Variants in BMS1 observed in about 807,000 individuals in gnomAD.
The protein encoded by BMS1 is ribosome biogenesis protein BMS1 homolog.
BMS1 carries 53 observed loss-of-function variants against 138.7 expected under a neutral mutation model. The ratio of observed to expected loss-of-function variants is 0.38; its 90% confidence interval spans 0.31 to 0.48. The LOEUF is 0.48. BMS1 is among the 20% of genes least tolerant of loss of function. BMS1 has a pLI of 0.97. For synonymous variants in BMS1, 504 were observed against 539.9 expected (o/e 0.93, Z 0.92); for missense variants, 1,360 against 1,565.5 (o/e 0.87, Z 2.22).
At chr10:42,800,143 G>C (rs1045110607) in intron 12 of BMS1, among the ~76,000 whole-genome samples, 4 of 152,162 alleles carry the variant, frequency 2.6e-5, no homozygotes, top group Non-Finnish European at 5.9e-5. Flanking sequence ...AATGAGACTG[G>C]AGAACTAAAT....
chr10:42,790,598 A>G (rs1450895141), intron 5 of BMS1, 87 bp downstream of exon 5: 6 of 1,405,664 alleles, frequency 4.3e-6, no homozygotes, highest in Non-Finnish European at 5.9e-6. Flanking sequence ...TAACACCTGT[A>G]ATCCCAGCAC....
rs531477157 is a variant in BMS1 at position 42,819,269 on chromosome 10, C to A, written c.2581-967C>A. Among the ~76,000 whole-genome samples, 9 of 152,324 alleles carry A rather than the reference C, an allele frequency of 5.9e-5. No individual in the cohort carries two copies. In the South Asian group the frequency reaches 1.9e-3, roughly 32 times the overall value. On this transcript the variant is annotated intron_variant, in intron 15 of 22. Coordinates refer to ENST00000374518, the MANE Select transcript of BMS1 (RefSeq NM_014753.4). ...CTGAGTAGAGGCATGGACAAATATTCTGTGCCTGAGCTGCCTGTAGAACTT... is the reference window on the plus strand; with the variant it reads ...CTGAGTAGAGGCATGGACAAATATTATGTGCCTGAGCTGCCTGTAGAACTT...
In BMS1 at chr10:42,831,180, G is replaced by A. The variant is rs1284328950; in HGVS notation, c.*84G>A. ...CAGTTTGAATGCCTGTGAATGACAA[G>A]TCAGTGGGAAAGAGCTCAAGAGATG... On this transcript the variant is annotated 3_prime_UTR_variant, in exon 23 of 23. Transcript: ENST00000374518. 51 of 1,340,980 alleles carry A rather than the reference G, an allele frequency of 3.8e-5. 2 individuals are homozygous for A. Among genetic ancestry groups the A allele is most frequent in the East Asian group, 2.5e-4 (10 of 39,704 alleles). The allele number at this position is 1,340,980 out of a possible 1,614,324, so 83.1% of individuals were successfully genotyped here. A position where few individuals can be genotyped will look rare whatever the true frequency, so the allele number is the denominator to read the frequency against.
In BMS1 at chr10:42,796,973, T is replaced by G; in HGVS notation, c.1729T>G (p.Phe577Val). The G allele has an allele frequency of 6.2e-7, 1 of 1,614,166 alleles. No homozygotes were observed. Among genetic ancestry groups the G allele is most frequent in the Non-Finnish European group, 8.5e-7 (1 of 1,180,036 alleles). Residue 577 changes from phenylalanine (F) to valine (V), a missense_variant, in exon 10 of 23, where the codon TTC (phenylalanine) becomes GTC (valine). By Grantham distance (50) the Phe-to-Val change is conservative (BLOSUM62 -1). This residue lies in a region of BMS1 where 697 missense variants were observed against 686.2 expected (regional missense o/e 1.02). Transcript: ENST00000374518. Reference protein sequence around the residue: ...LLMKKAALPTFDSGHCTAEEV... With the variant: ...LLMKKAALPTVDSGHCTAEEV... The stretch of plus-strand genomic sequence containing the variant: ...GATGAAGAAAGCAGCTCTCCCCACT[T>G]TCGATTCTGGGCATTGCACAGCTGA...
rs762593419 is a variant in BMS1, at chr10:42,823,108, A to G, written c.3133-10A>G. 7 of 1,557,108 alleles carry G rather than the reference A, an allele frequency of 4.5e-6. No individual in the cohort carries two copies. The South Asian group carries it at 5.0e-5, about 11-fold the overall frequency. ...TGTGTGTGTGTGTTTTTATCTTGCT[A>G]TACCTGTAGGGAATGTTTAATTCTG... is the stretch of plus-strand genomic sequence containing the variant. On this transcript the variant is annotated splice_polypyrimidine_tract_variant and intron_variant, in intron 19 of 22. Transcript: ENST00000374518.
In BMS1 at chr10:42,834,266, T is replaced by C. The variant is rs1307148367; in HGVS notation, c.*3170T>C. The stretch of plus-strand genomic sequence containing the variant: ...ATTGTTTTCTTTTTTTAACAAAACC[T>C]GTGAACTTGCTTTAAGTATTATCAT... On this transcript the variant is annotated 3_prime_UTR_variant, in exon 23 of 23. Coordinates refer to ENST00000374518, the MANE Select transcript of BMS1 (RefSeq NM_014753.4). 6.6e-6 allele frequency: 1 copy of C among 152,140 alleles called. No individual in the cohort carries two copies. The highest frequency in any genetic ancestry group is 1.9e-4 in the East Asian group (1 of 5,192). 9.4% of individuals were successfully genotyped at this position (152,140 alleles called of 1,614,324 possible). A position where few individuals can be genotyped will look rare whatever the true frequency, so the allele number is the denominator to read the frequency against.
At chr10:42,788,055 G>C (rs888427740) in intron 4 of BMS1, among the ~76,000 whole-genome samples, 2 of 151,938 alleles carry the variant, frequency 1.3e-5, no homozygotes, top group African/African-American at 4.8e-5. Flanking sequence ...GTGACAAAGA[G>C]CTACAGATTT....
chr10:42,811,162 T>A (rs1017738847), intron 13 of BMS1, among the ~76,000 whole-genome samples: 1 of 151,778 alleles, frequency 6.6e-6, no homozygotes, highest in African/African-American at 2.4e-5. Flanking sequence ...CTGCCTCAGC[T>A]TCCCAAGTAG....
In BMS1 at chr10:42,798,601, C is replaced by T. The variant is rs754146215; in HGVS notation, c.2223C>T (p.Ala741=). 4 of 1,614,050 alleles carry T rather than the reference C, an allele frequency of 2.5e-6. No individual in the cohort carries two copies. The highest frequency in any genetic ancestry group is 2.5e-6 in the Non-Finnish European group (3 of 1,180,044). The change falls in exon 12 of 23, where the codon GCC becomes GCT. Residue 741 remains alanine, a synonymous_variant. Coordinates refer to ENST00000374518, the MANE Select transcript of BMS1 (RefSeq NM_014753.4). ...ACTGCTCCAGATTTCTTGTGGAGGC[C>T]CCCCATGACTGGGATTTAGAGGAGG... is the stretch of plus-strand genomic sequence containing the variant. ...SLDCSRFLVE[A]PHDWDLEEVM...
At chr10:42,810,032 G>A (rs548317018) in intron 13 of BMS1, among the ~76,000 whole-genome samples, 64 of 149,168 alleles carry the variant, frequency 4.3e-4, no homozygotes, top group African/African-American at 1.5e-3. Flanking sequence ...GGAACTCTTG[G>A]CTTCAAGGGA....
rs35932186 is a variant in BMS1, at chr10:42,822,406, TC to T, written c.3132+224del. 5.9e-3 allele frequency among the ~76,000 whole-genome samples: 893 copies of T among 152,376 alleles called. 9 individuals are homozygous for T. The highest frequency in any genetic ancestry group is 0.02 in the African/African-American group (841 of 41,590). On this transcript the variant is annotated intron_variant, in intron 19 of 22. Transcript: ENST00000374518. ...GGAATTGAGGCTGTTATTCATAACT[TC>T]CATGTGAGACTGCCACATATTGAAC...
Position 42,792,528 on chromosome 10 carries a change from C to T in BMS1, c.815C>T (p.Thr272Ile). 6.2e-7 allele frequency: 1 copy of T among 1,611,808 alleles called. No individual in the cohort carries two copies. The highest frequency in any genetic ancestry group is 8.5e-7 in the Non-Finnish European group (1 of 1,179,794). The change falls in exon 7 of 23, where the codon ACA (threonine) becomes ATA (isoleucine). Residue 272 changes from threonine to isoleucine, a missense_variant. This residue lies in a region of BMS1 where 697 missense variants were observed against 686.2 expected (regional missense o/e 1.02). Transcript: ENST00000374518. ...EDLTNPEDIR[T>I]NIKCDRKVSL... ...TTGACAAACCCAGAGGATATCCGAA[C>T]AAACATCAAATGTGACCGGAAGGTG...
At chr10:42,791,242 G>T (rs537812005) in intron 5 of BMS1, among the ~76,000 whole-genome samples, 1 of 152,196 alleles carries the variant, frequency 6.6e-6, no homozygotes, top group Non-Finnish European at 1.5e-5. Flanking sequence ...TGTACCTGCT[G>T]CACCAGGCAG....
chr10:42,783,416 A>C (rs1247973705), intron 1 of BMS1, among the ~76,000 whole-genome samples: 2 of 152,212 alleles, frequency 1.3e-5, no homozygotes, highest in African/African-American at 2.4e-5. Context: ...GGCGCGGAAG[A>C]TAATAGTTTG....
intron 3 of BMS1, among the ~76,000 whole-genome samples, chr10:42,786,633 C>T (rs1179239346): frequency 6.6e-6 from 1 of 151,564 alleles, no homozygotes; most frequent in African/African-American, 2.4e-5. Context: ...CCATATGGCC[C>T]AGGCTGGTCT....
chr10:42,800,177 T>C (rs1841826261), intron 12 of BMS1, among the ~76,000 whole-genome samples: 1 of 152,180 alleles, frequency 6.6e-6, no homozygotes, highest in Non-Finnish European at 1.5e-5. Context: ...TAATCTTAAT[T>C]AAGATTAATT....
intron 13 of BMS1, among the ~76,000 whole-genome samples, chr10:42,814,829 C>T (rs61844820): frequency 6.6e-6 from 1 of 152,106 alleles, no homozygotes; most frequent in Non-Finnish European, 1.5e-5. Context: ...TGGTGGTTGT[C>T]TTGGTGTGTG....
At chr10:42,806,550 C>T (rs1725203595) in intron 13 of BMS1, among the ~76,000 whole-genome samples, 2 of 152,054 alleles carry the variant, frequency 1.3e-5, no homozygotes, top group South Asian at 4.1e-4. Context: ...GCCTGGCCAA[C>T]ATGGTGAAAC....
intron 13 of BMS1, among the ~76,000 whole-genome samples, chr10:42,815,551 T>C (rs1321953937): frequency 6.6e-6 from 1 of 152,230 alleles, no homozygotes; most frequent in Non-Finnish European, 1.5e-5. Context: ...GAGTTTTAAC[T>C]TGCCTATTTC....
Sources: allele counts gnomAD v4.1 joint callset (sites outside exome capture counted in the v4.1 genomes callset), GRCh38; gene constraint gnomAD v4.1.1; regional missense constraint gnomAD v4.1.1; transcripts MANE v1.5; gene names NCBI Gene and HGNC (gene_info 2026-07-23, HGNC 2026-07-21).